Variants in WWTR1 observed in about 807,000 individuals in gnomAD.
WWTR1 encodes the protein WW domain containing transcription regulator 1.
WWTR1 carries 13 observed loss-of-function variants against 40.1 expected under a neutral mutation model. That is an observed-to-expected ratio of 0.32 (90% CI 0.21 to 0.52). WWTR1 has a LOEUF of 0.52. Among genes scored for constraint, WWTR1 ranks in the 20% least tolerant of loss-of-function variants. WWTR1 has a pLI of 0.97. For synonymous variants in WWTR1, 230 were observed against 210.1 expected (o/e 1.09, Z -0.82); for missense variants, 436 against 523.1 (o/e 0.83, Z 1.63).
intron 2 of WWTR1, among the ~76,000 whole-genome samples, chr3:149,608,272 A>G (rs893267863): frequency 1.2e-4 from 18 of 152,174 alleles, no homozygotes; most frequent in African/African-American, 4.3e-4. Flanking sequence ...TTTGTATTGT[A>G]ACTACCCTAC....
chr3:149,682,398 G>T (rs1007663569), intron 1 of WWTR1, among the ~76,000 whole-genome samples: 62 of 152,188 alleles, frequency 4.1e-4, no homozygotes, highest in African/African-American at 1.3e-3. Flanking sequence ...ATGTATTGAG[G>T]TCTTTTGACT....
At chr3:149,595,152 G>A (rs1738935332) in intron 2 of WWTR1, among the ~76,000 whole-genome samples, 2 of 151,436 alleles carry the variant, frequency 1.3e-5, no homozygotes, top group Admixed American at 6.6e-5. Flanking sequence ...AGTAGAGACA[G>A]GGTTTCACCA....
At position 149,646,339 on chromosome 3, in the gene WWTR1, C is replaced by T. The variant is rs541133021; in HGVS notation, c.431+10537G>A. Among the ~76,000 whole-genome samples the T allele has an allele frequency of 1.6e-4, 24 of 152,354 alleles. No individual in the cohort carries two copies. In the East Asian group the frequency reaches 4.4e-3, roughly 28 times the overall value. On this transcript the variant is annotated intron_variant, in intron 2 of 6. Transcript: ENST00000360632. Reference sequence around the variant, plus strand: ...TGGTGGATGGCTTATACATAGCTCACACCACATGTGACTCACCACACAAGA... The same window carrying T: ...TGGTGGATGGCTTATACATAGCTCATACCACATGTGACTCACCACACAAGA...
chr3:149,638,335 C>T (rs1212980113), intron 2 of WWTR1, among the ~76,000 whole-genome samples: 1 of 152,036 alleles, frequency 6.6e-6, no homozygotes, highest in Non-Finnish European at 1.5e-5. Flanking sequence ...TGTTTATTAA[C>T]ATATTCCAAA....
chr3:149,724,286 C>T (rs929831419), intron 3 of WWTR1: 1 of 152,148 alleles, frequency 6.6e-6, no homozygotes, highest in Non-Finnish European at 1.5e-5. Flanking sequence ...CAATTACCAA[C>T]TACCTGCTCC....
chr3:149,705,423 T>G (rs746985206), upstream of WWTR1, among the ~76,000 whole-genome samples: 5 of 152,182 alleles, frequency 3.3e-5, no homozygotes, highest in Non-Finnish European at 5.9e-5. Context: ...AATTCAAATG[T>G]CAGAAAACAA....
intron 2 of WWTR1, chr3:149,575,970 C>G (rs558767591): frequency 2.8e-5 from 13 of 456,718 alleles, no homozygotes; most frequent in Admixed American, 2.3e-4. Flanking sequence ...AAACTCCACA[C>G]CCAGCCAACA....
intron 2 of WWTR1, among the ~76,000 whole-genome samples, chr3:149,619,198 C>T (rs1379778002): frequency 6.6e-6 from 1 of 152,050 alleles, no homozygotes. Flanking sequence ...TATGGACACT[C>T]CTGAAGGCAA....
intron 2 of WWTR1, among the ~76,000 whole-genome samples, chr3:149,641,063 GATATTATT>G (rs1560098856): frequency 4.7e-4 from 72 of 152,180 alleles, no homozygotes; most frequent in African/African-American, 1.6e-3. Flanking sequence ...TAAGGCATTC[GATATTATT>G]TATTATGCAG....
At chr3:149,670,721 GACAGAA>G (rs543987922) in intron 1 of WWTR1, 29 of 151,748 alleles carry the variant, frequency 1.9e-4, no homozygotes, top group African/African-American at 6.8e-4. Flanking sequence ...CTGATGAGTA[GACAGAA>G]ACAGATAAAA....
At chr3:149,674,293 C>A (rs1393131821) in intron 1 of WWTR1, among the ~76,000 whole-genome samples, 1 of 150,826 alleles carries the variant, frequency 6.6e-6, no homozygotes, top group South Asian at 2.1e-4. Context: ...CACACACACA[C>A]GTAAAAATTG....
At chr3:149,669,849 C>T (rs2108189100) in exon 2 of WWTR1, 1 of 152,216 alleles carries the variant, frequency 6.6e-6, no homozygotes, top group South Asian at 2.1e-4. Flanking sequence ...AAGCAGATGC[C>T]AAGATAAGAG....
rs1281140980 is a variant in WWTR1, at chr3:149,523,669, C to G, written c.1018+2344G>C. 5.3e-5 allele frequency among the ~76,000 whole-genome samples: 8 copies of G among 152,214 alleles called. 1 individual carries two copies. Among genetic ancestry groups the G allele is most frequent in the Admixed American group, 2.0e-4 (3 of 15,282 alleles). On this transcript the variant is annotated intron_variant, in intron 6 of 6. Transcript: ENST00000360632. ...TTCGCACCAAGCCCAGCTGTTGCTG[C>G]CATGTATGTTTTGCAAATGGAGTGC...
At chr3:149,584,887 A>G (rs541461504) in intron 2 of WWTR1, among the ~76,000 whole-genome samples, 3 of 152,226 alleles carry the variant, frequency 2.0e-5, no homozygotes, top group Non-Finnish European at 4.4e-5. Flanking sequence ...TCAAATAACA[A>G]AAGTAAAGCA....
rs149373075 is a variant in WWTR1, at chr3:149,635,088, C to T, written c.431+21788G>A. 7.5e-3 allele frequency among the ~76,000 whole-genome samples: 1,140 copies of T among 152,346 alleles called. 13 individuals are homozygous for T. The highest frequency in any genetic ancestry group is 0.026 in the African/African-American group (1,097 of 41,580). On this transcript the variant is annotated intron_variant, in intron 2 of 6. Transcript: ENST00000360632. ...CAGAAATCAGCAGAAGGGGGCCCTG[C>T]TCTACCCTCTTCTTCATGTGGTTGT... is the stretch of plus-strand genomic sequence containing the variant.
intron 1 of WWTR1, among the ~76,000 whole-genome samples, chr3:149,699,599 C>T (rs941687428): frequency 2.0e-5 from 3 of 152,064 alleles, no homozygotes; most frequent in African/African-American, 7.2e-5. Flanking sequence ...AGCCAGTCAT[C>T]ACTCTTAAGT....
chr3:149,713,406 C>T (rs1001831256), intron 5 of WWTR1, among the ~76,000 whole-genome samples: 2 of 151,464 alleles, frequency 1.3e-5, no homozygotes, highest in African/African-American at 4.9e-5. Flanking sequence ...TTTGAGACGG[C>T]GTCTCGCTCT....
At chr3:149,570,300 G>T (rs975252439) in intron 3 of WWTR1, among the ~76,000 whole-genome samples, 6 of 152,170 alleles carry the variant, frequency 3.9e-5, no homozygotes, top group African/African-American at 1.2e-4. Flanking sequence ...TGGGTGCCGG[G>T]TCTCACGCCT....
chr3:149,608,161 A>G (rs1219595718), intron 2 of WWTR1, among the ~76,000 whole-genome samples: 2 of 152,196 alleles, frequency 1.3e-5, no homozygotes, highest in Non-Finnish European at 2.9e-5. Context: ...TTTAATAAAA[A>G]TAGTGTAAAT....
Sources: allele counts gnomAD v4.1 joint callset (sites outside exome capture counted in the v4.1 genomes callset), GRCh38; gene constraint gnomAD v4.1.1; transcripts MANE v1.5; gene names NCBI Gene and HGNC (gene_info 2026-07-23, HGNC 2026-07-21).